Variants in WDTC1 observed in about 807,000 individuals in gnomAD.
The protein encoded by WDTC1 is WD and tetratricopeptide repeats protein 1.
Under a neutral mutation model 76.0 loss-of-function variants are expected in WDTC1, and 12 were observed. The observed-to-expected ratio is 0.16, with a 90% CI of 0.10 to 0.26. The LOEUF (loss-of-function observed/expected upper bound fraction) is 0.26, where lower values mean the gene tolerates loss of function less well. WDTC1 is among the 10% of genes least tolerant of loss of function. WDTC1 has a pLI of 1.00. For missense variants in WDTC1, 511 were observed against 908.8 expected (o/e 0.56, Z 5.63); for synonymous variants, 326 against 350.8 (o/e 0.93, Z 0.79).
intron 7 of WDTC1, among the ~76,000 whole-genome samples, chr1:27,292,994 T>G (rs1295184677): frequency 6.7e-6 from 1 of 149,636 alleles, no homozygotes; most frequent in Non-Finnish European, 1.5e-5. Flanking sequence ...TCAGGTGATC[T>G]GCCCGCCTCG....
intron 11 of WDTC1, 83 bp downstream of exon 11, chr1:27,297,239 C>T: frequency 7.9e-7 from 1 of 1,262,758 alleles, no homozygotes; most frequent in Non-Finnish European, 1.1e-6. Context: ...TGTAAATCTT[C>T]CTCCTGACCC....
chr1:27,297,681 A>C (rs971218406), intron 11 of WDTC1, among the ~76,000 whole-genome samples: 4 of 152,204 alleles, frequency 2.6e-5, no homozygotes, highest in African/African-American at 9.7e-5. Context: ...CAGGAGTTGA[A>C]GTACAGCTTC....
At chr1:27,288,695 G>T (rs2013416322) in intron 6 of WDTC1, among the ~76,000 whole-genome samples, 1 of 151,516 alleles carries the variant, frequency 6.6e-6, no homozygotes, top group East Asian at 1.9e-4. Context: ...AGGATCCCAA[G>T]GCAGAAGAAT....
At chr1:27,294,704 A>G (rs2013637482) in intron 9 of WDTC1, 75 bp downstream of exon 9, 1 of 1,284,686 alleles carries the variant, frequency 7.8e-7, no homozygotes, top group African/African-American at 1.5e-5. Context: ...CCTTATGTTC[A>G]CTGCTGAGGC....
intron 1 of WDTC1, among the ~76,000 whole-genome samples, chr1:27,258,199 G>A (rs1247334826): frequency 6.6e-6 from 1 of 151,350 alleles, no homozygotes; most frequent in Non-Finnish European, 1.5e-5. Flanking sequence ...AGGAGTTTGA[G>A]ACAGCATGGG....
At chr1:27,288,446 G>A (rs1309443386) in intron 6 of WDTC1, among the ~76,000 whole-genome samples, 1 of 152,030 alleles carries the variant, frequency 6.6e-6, no homozygotes, top group African/African-American at 2.4e-5. Flanking sequence ...AAGGTCAGCA[G>A]ATTAACAAGT....
rs555284992 is a variant in WDTC1, at chr1:27,274,585, G to A, written c.133-7654G>A. Among the ~76,000 whole-genome samples, 23 of 152,298 alleles carry A rather than the reference G, an allele frequency of 1.5e-4. No homozygotes were observed. Among genetic ancestry groups the A allele is most frequent in the South Asian group, 6.2e-4 (3 of 4,822 alleles). ...AAATTAATGAGGATTAATTTAAGCC[G>A]TTCTAGTATATAAGACCCAATCAGT... On this transcript the variant is annotated intron_variant, in intron 3 of 15. Transcript: ENST00000319394. The surrounding 1 kb of genome is among the most constrained non-coding windows in gnomAD (Gnocchi z 4.2).
chr1:27,293,590 T>C (rs990064667), intron 7 of WDTC1, among the ~76,000 whole-genome samples: 3 of 152,142 alleles, frequency 2.0e-5, no homozygotes, highest in Non-Finnish European at 4.4e-5. Flanking sequence ...CTGCTAGTTC[T>C]TATAACACTC....
intron 7 of WDTC1, among the ~76,000 whole-genome samples, 180 bp downstream of exon 7, chr1:27,292,577 G>A (rs947837383): frequency 6.6e-6 from 1 of 151,726 alleles, no homozygotes; most frequent in East Asian, 1.9e-4. Context: ...ACAGTCACAC[G>A]CCACCTCGCT....
At chr1:27,280,145 G>C (rs1413396009) in intron 3 of WDTC1, among the ~76,000 whole-genome samples, 1 of 152,084 alleles carries the variant, frequency 6.6e-6, no homozygotes, top group Non-Finnish European at 1.5e-5. Flanking sequence ...GATTTTCAAG[G>C]GTAATTATGT....
intron 5 of WDTC1, among the ~76,000 whole-genome samples, chr1:27,286,338 T>C (rs2147967010): frequency 6.6e-6 from 1 of 150,940 alleles, no homozygotes; most frequent in South Asian, 2.1e-4. Flanking sequence ...AAATACTGCA[T>C]AGAGATGTAT....
rs2013952105 is a variant in WDTC1 at position 27,306,249 on chromosome 1, C to T, written c.1900C>T (p.Arg634Cys). 1.2e-6 allele frequency: 2 copies of T among 1,614,158 alleles called. No homozygotes were observed. The highest frequency in any genetic ancestry group is 1.7e-6 in the Non-Finnish European group (2 of 1,180,036). Residue 634 changes from arginine (R) to cysteine (C), a missense_variant, in exon 16 of 16, where the codon CGC (arginine) becomes TGC (cysteine). Arg to Cys is a radical substitution (Grantham distance 180, BLOSUM62 -3). Coordinates refer to ENST00000319394, the MANE Select transcript of WDTC1 (RefSeq NM_001276252.2). This position sits in a 1 kb window ranked among gnomAD's most constrained non-coding sequence, Gnocchi z 5.0. ...MEGASQANQR[R>C]MNADPLEVML... ...GGGTGCTTCACAGGCCAACCAGCGG[C>T]GCATGAATGCAGACCCGTTGGAGGT...
chr1:27,251,774 C>A (rs2012071468), intron 1 of WDTC1, among the ~76,000 whole-genome samples: 1 of 152,012 alleles, frequency 6.6e-6, no homozygotes, highest in Admixed American at 6.6e-5. Context: ...TTATAGTATG[C>A]TATGATCGCA....
intron 1 of WDTC1, among the ~76,000 whole-genome samples, chr1:27,240,586 A>G (rs2011602392): frequency 6.6e-6 from 1 of 152,206 alleles, no homozygotes; most frequent in Admixed American, 6.5e-5. Flanking sequence ...GCCTATGTGT[A>G]ACTCTGAGAG....
At chr1:27,304,917 C>G in intron 14 of WDTC1, 84 bp from the exon 15 acceptor site, 1 of 1,400,154 alleles carries the variant, frequency 7.1e-7, no homozygotes, top group Non-Finnish European at 9.6e-7. Flanking sequence ...TCCTTGCTCC[C>G]CCTTTACCTA....
intron 6 of WDTC1, among the ~76,000 whole-genome samples, chr1:27,289,249 C>G (rs867261539): frequency 2.1e-4 from 31 of 151,054 alleles, no homozygotes; most frequent in Admixed American, 1.3e-3. Flanking sequence ...GGCGGAGAGG[C>G]TCCTCACTTC....
rs142335579 is a variant in WDTC1 at position 27,298,469 on chromosome 1, A to G, written c.1232+358A>G. On this transcript the variant is annotated intron_variant, in intron 12 of 15. Coordinates refer to ENST00000319394, the MANE Select transcript of WDTC1 (RefSeq NM_001276252.2). Reference sequence around the variant, plus strand: ...GAATTGGACTTTGAAGAGCAGTGGAATCTTGCTAAGTGGAAATGAGGGGTT... The same window carrying G: ...GAATTGGACTTTGAAGAGCAGTGGAGTCTTGCTAAGTGGAAATGAGGGGTT... Among the ~76,000 whole-genome samples the G allele has an allele frequency of 2.2e-3, 338 of 152,352 alleles. 3 individuals are homozygous for G. Among genetic ancestry groups the G allele is most frequent in the African/African-American group, 7.8e-3 (323 of 41,586 alleles).
intron 3 of WDTC1, among the ~76,000 whole-genome samples, chr1:27,271,128 C>A (rs970857137): frequency 6.6e-6 from 1 of 152,146 alleles, no homozygotes; most frequent in African/African-American, 2.4e-5. Flanking sequence ...TGAAATTGGT[C>A]ACTCCAGCGG....
intron 3 of WDTC1, among the ~76,000 whole-genome samples, chr1:27,269,235 G>C (rs1439933830): frequency 1.4e-5 from 2 of 147,084 alleles, no homozygotes; most frequent in Non-Finnish European, 3.0e-5. Context: ...CCAGCTACTT[G>C]GGAGGCTGAG....
Sources: gnomAD v4.1 joint callset for allele counts (sites outside exome capture counted in the v4.1 genomes callset) on GRCh38, gnomAD v4.1.1 for gene constraint, Gnocchi (gnomAD v3.1) non-coding constraint, MANE v1.5 for transcripts, NCBI Gene and HGNC (gene_info 2026-07-23, HGNC 2026-07-21) for gene names.